The following TTBK2 variants were observed in gnomAD, a reference collection of about 807,000 sequenced individuals.
The protein encoded by TTBK2 is tau-tubulin kinase 2.
Under a neutral mutation model 110.8 loss-of-function variants are expected in TTBK2, and 28 were observed. That is an observed-to-expected ratio of 0.25 (90% confidence interval 0.19 to 0.35). The LOEUF (loss-of-function observed/expected upper bound fraction) is 0.35. Ranked by LOEUF, TTBK2 falls within the 10% of genes least tolerant of loss-of-function variation. The pLI, the probability that TTBK2 is intolerant of heterozygous loss-of-function variation, is 1.00. For missense variants in TTBK2, 1,369 were observed against 1,500.3 expected (o/e 0.91, Z 1.45); for synonymous variants, 532 against 527.3 (o/e 1.01, Z -0.12).
chr15:42,802,059 C>T (rs1891237287), intron 9 of TTBK2: 1 of 1,463,820 alleles, frequency 6.8e-7, no homozygotes, highest in Non-Finnish European at 9.5e-7. Flanking sequence ...TGGTCTCAAG[C>T]ATCTTGTTCT....
intron 4 of TTBK2, 38 bp downstream of exon 4, chr15:42,840,322 A>G: frequency 6.4e-7 from 1 of 1,550,892 alleles, no homozygotes; most frequent in Non-Finnish European, 8.9e-7. Context: ...TTTGATCAAA[A>G]CTGAAGAATT....
intron 7 of TTBK2, 94 bp from the exon 8 acceptor site, chr15:42,811,874 G>T: frequency 9.5e-7 from 1 of 1,054,764 alleles, no homozygotes; most frequent in Non-Finnish European, 1.4e-6. Context: ...CACCTTATTA[G>T]GCTAAAAATG....
intron 1 of TTBK2, among the ~76,000 whole-genome samples, chr15:42,891,442 G>A (rs933902927): frequency 1.3e-5 from 2 of 151,884 alleles, no homozygotes; most frequent in Admixed American, 6.6e-5. Flanking sequence ...CTAAAGTGCT[G>A]GGATTACAGG....
intron 9 of TTBK2, among the ~76,000 whole-genome samples, chr15:42,803,490 G>A (rs562455903): frequency 3.3e-5 from 5 of 152,268 alleles, no homozygotes; most frequent in African/African-American, 1.2e-4. Context: ...CTGAGGCAGG[G>A]TAAGGCAGCA....
intron 14 of TTBK2, among the ~76,000 whole-genome samples, chr15:42,746,800 A>G (rs1247484570): frequency 6.6e-6 from 1 of 152,082 alleles, no homozygotes; most frequent in Admixed American, 6.6e-5. Context: ...GAGGAACTAC[A>G]GATAAATGTA....
chr15:42,832,205 T>C (rs1032203089), intron 4 of TTBK2, among the ~76,000 whole-genome samples: 1 of 152,204 alleles, frequency 6.6e-6, no homozygotes, highest in Non-Finnish European at 1.5e-5. Context: ...ATAACTTTTA[T>C]TAGCATTCCA....
In TTBK2 at chr15:42,817,088, C is replaced by T. The variant is rs1338294154; in HGVS notation, c.547G>A (p.Val183Met). The T allele has an allele frequency of 1.2e-6, 2 of 1,607,770 alleles. No homozygotes were observed. Among genetic ancestry groups the T allele is most frequent in the African/African-American group, 1.3e-5 (1 of 74,682 alleles). ...CGAACTGTCCCTCGAAAACCTGCCA[C>T]AGCTCGAGGCTACAACGAAGCCATG... ...SCGDVRPPRA[V>M]AGFRGTVRYA... is the part of the protein sequence containing the mutation. The change falls in exon 7 of 15, where the codon GTG (valine) becomes ATG (methionine). Residue 183 changes from valine (V) to methionine (M), a missense_variant. This residue lies in a region of TTBK2 where 138 missense variants were observed against 179.0 expected (regional missense o/e 0.77). Coordinates refer to ENST00000267890, the MANE Select transcript of TTBK2 (RefSeq NM_173500.4).
intron 3 of TTBK2, among the ~76,000 whole-genome samples, chr15:42,862,177 C>A (rs964415240): frequency 3.3e-5 from 5 of 151,948 alleles, no homozygotes; most frequent in South Asian, 4.2e-4. Flanking sequence ...GGTATCAATC[C>A]GACTGAAACT....
chr15:42,856,576 T>G (rs1238419058), intron 3 of TTBK2, among the ~76,000 whole-genome samples: 1 of 152,154 alleles, frequency 6.6e-6, no homozygotes, highest in Non-Finnish European at 1.5e-5. Flanking sequence ...ACGGTTAATT[T>G]TGTTAGGTTT....
At chr15:42,880,322 T>G (rs1894991624) in intron 1 of TTBK2, among the ~76,000 whole-genome samples, 1 of 152,162 alleles carries the variant, frequency 6.6e-6, no homozygotes, top group Admixed American at 6.5e-5. Flanking sequence ...TCCTAAATAC[T>G]CCTACTTCAC....
At chr15:42,776,934 C>CT in intron 12 of TTBK2, 97 bp downstream of exon 12, 8 of 1,341,064 alleles carry the variant, frequency 6.0e-6, no homozygotes, top group Non-Finnish European at 8.4e-6. Flanking sequence ...ATTTGAAAGA[C>CT]TTTATGTAAC....
At chr15:42,907,321 C>T (rs7178248) in intron 1 of TTBK2, among the ~76,000 whole-genome samples, 36,580 of 152,062 alleles carry the variant, frequency 0.24, 5,255 homozygotes, top group African/African-American at 0.4. Flanking sequence ...AGCAATTCCA[C>T]TATTGGGTAT....
At chr15:42,806,967 C>T (rs1595932400) in intron 9 of TTBK2, among the ~76,000 whole-genome samples, 1 of 152,146 alleles carries the variant, frequency 6.6e-6, no homozygotes, top group African/African-American at 2.4e-5. Context: ...AAGAGACCTT[C>T]CTTGACCACT....
At chr15:42,827,563 G>A (rs1040855558) in intron 6 of TTBK2, among the ~76,000 whole-genome samples, 4 of 152,202 alleles carry the variant, frequency 2.6e-5, no homozygotes, top group Non-Finnish European at 4.4e-5. Flanking sequence ...TGTGATGACA[G>A]TGTGGCACCA....
intron 6 of TTBK2, among the ~76,000 whole-genome samples, chr15:42,822,704 A>T (rs994539182): frequency 5.3e-5 from 8 of 152,234 alleles, no homozygotes; most frequent in African/African-American, 1.9e-4. Flanking sequence ...GGAATTCATA[A>T]AATATTTTTA....
At chr15:42,853,259 A>C (rs986040537) in intron 3 of TTBK2, among the ~76,000 whole-genome samples, 26 of 151,666 alleles carry the variant, frequency 1.7e-4, no homozygotes, top group Admixed American at 5.9e-4. Context: ...CCAGTATTTC[A>C]GGGTAAAAAA....
intron 3 of TTBK2, among the ~76,000 whole-genome samples, chr15:42,859,091 A>G (rs1894055736): frequency 6.6e-6 from 1 of 151,916 alleles, no homozygotes; most frequent in South Asian, 2.1e-4. Flanking sequence ...TTTATTTTTT[A>G]TTTAATTTTA....
At position 42,775,291 on chromosome 15, in the gene TTBK2, T is replaced by A. The variant is rs376681856; in HGVS notation, c.1842A>T (p.Ser614=). The A allele has an allele frequency of 3.1e-6, 5 of 1,614,190 alleles. No individual in the cohort carries two copies. Among genetic ancestry groups the A allele is most frequent in the Non-Finnish European group, 4.2e-6 (5 of 1,180,034 alleles). The change falls in exon 13 of 15, where the codon TCA becomes TCT. Residue 614 remains serine, a synonymous_variant. Coordinates refer to ENST00000267890, the MANE Select transcript of TTBK2 (RefSeq NM_173500.4). ...CTGCAGAAAGTGCTAAGACCACACC[T>A]GAGGTTTCCTTCTTTAAATGATCAT... ...AENDHLKKET[S]GVVLALSAEG...
At chr15:42,912,720 A>T (rs1380788120) in intron 1 of TTBK2, among the ~76,000 whole-genome samples, 1 of 149,744 alleles carries the variant, frequency 6.7e-6, no homozygotes, top group Admixed American at 6.7e-5. Context: ...ACTCCATCTC[A>T]AAAAAAAAAG....
Sources: allele counts gnomAD v4.1 joint callset (sites outside exome capture counted in the v4.1 genomes callset), GRCh38; gene constraint gnomAD v4.1.1; regional missense constraint gnomAD v4.1.1; transcripts MANE v1.5; gene names NCBI Gene and HGNC (gene_info 2026-07-23, HGNC 2026-07-21).